Variants in SASH1 observed in about 807,000 individuals in gnomAD.
SASH1 encodes SAM and SH3 domain containing 1.
In SASH1, 44 loss-of-function variants were observed where a neutral mutation model predicts 125.2. The observed-to-expected ratio is 0.35, with a 90% CI of 0.28 to 0.45. SASH1 has a LOEUF of 0.45. Ranked by LOEUF, SASH1 falls within the 20% of genes least tolerant of loss-of-function variation. SASH1 has a pLI of 1.00. For synonymous variants in SASH1, 639 were observed against 649.1 expected, an observed-to-expected ratio of 0.98 and a Z score of 0.24; for missense variants, 1,426 against 1,614.5, an observed-to-expected ratio of 0.88 and a Z score of 2.00.
chr6:148,371,327 G>T (rs982217438), intron 1 of SASH1, among the ~76,000 whole-genome samples: 1 of 151,558 alleles, frequency 6.6e-6, no homozygotes, highest in African/African-American at 2.4e-5. Flanking sequence ...CGCAATCTCA[G>T]CTCACTGCAA....
intron 1 of SASH1, among the ~76,000 whole-genome samples, chr6:148,287,375 C>T (rs1779507379): frequency 6.6e-6 from 1 of 152,110 alleles, no homozygotes; most frequent in South Asian, 2.1e-4. Context: ...TGTCTTCAGT[C>T]TTGGTGTCCA....
chr6:148,237,183 A>ATTT, the SASH1 span, among the ~76,000 whole-genome samples: 10 of 147,306 alleles, frequency 6.8e-5, no homozygotes, highest in Admixed American at 3.4e-4. Context: ...TTTTATCTGC[A>ATTT]TTTTTTTTTT....
chr6:148,255,247 A>T, the SASH1 span, among the ~76,000 whole-genome samples: 1 of 152,164 alleles, frequency 6.6e-6, no homozygotes, highest in African/African-American at 2.4e-5. Flanking sequence ...AGGTGTTGGT[A>T]GCCTTGGTTT....
the SASH1 span, among the ~76,000 whole-genome samples, chr6:148,254,206 T>A: frequency 1.3e-5 from 2 of 149,050 alleles, no homozygotes; most frequent in African/African-American, 2.5e-5. Context: ...AAACTCTGTC[T>A]CAAAAAAAAA....
intron 4 of SASH1, among the ~76,000 whole-genome samples, chr6:148,441,038 T>G (rs368451414): frequency 6.6e-6 from 1 of 152,366 alleles, no homozygotes; most frequent in South Asian, 2.1e-4. Context: ...CAAGAGAATC[T>G]TTTTTCTAAA....
rs758313300 is a variant in SASH1, at chr6:148,544,524, C to T, written c.3054C>T (p.Cys1018=). Residue 1018 remains cysteine, a synonymous_variant, in exon 18 of 20, where the codon TGC becomes TGT. Coordinates refer to ENST00000367467, the MANE Select transcript of SASH1 (RefSeq NM_015278.5). The surrounding 1 kb of genome is among the most constrained non-coding windows in gnomAD (Gnocchi z 6.4). The part of the protein sequence containing the change: ...SGALPSPDAP[C]LPVKRGSPAS... Reference sequence around the variant, plus strand: ...CCCTCCCCAGTCCCGATGCGCCATGCCTGCCAGTGAAAAGGGGCAGCCCCG... The same window carrying T: ...CCCTCCCCAGTCCCGATGCGCCATGTCTGCCAGTGAAAAGGGGCAGCCCCG... 2 of 1,613,190 alleles carry T rather than the reference C, an allele frequency of 1.2e-6. No homozygotes were observed. Among genetic ancestry groups the T allele is most frequent in the African/African-American group, 2.7e-5 (2 of 74,948 alleles).
intron 4 of SASH1, among the ~76,000 whole-genome samples, chr6:148,460,606 A>G (rs1409170744): frequency 2.6e-5 from 4 of 152,216 alleles, no homozygotes; most frequent in African/African-American, 9.7e-5. Context: ...GCCTATATTG[A>G]AAAGCTATGC....
At chr6:148,350,137 G>T (rs367761016) in intron 1 of SASH1, among the ~76,000 whole-genome samples, 3 of 152,018 alleles carry the variant, frequency 2.0e-5, no homozygotes, top group East Asian at 3.9e-4. Context: ...GAGCCACCGC[G>T]CCCGGCAGAT....
intron 1 of SASH1, among the ~76,000 whole-genome samples, chr6:148,301,326 CAAA>C (rs746767710): frequency 1.6e-3 from 163 of 99,758 alleles, no homozygotes; most frequent in African/African-American, 3.5e-3. Flanking sequence ...AACTCCATCT[CAAA>C]AAAAAAAAAA....
At chr6:148,379,495 T>C (rs1783047498) in intron 1 of SASH1, among the ~76,000 whole-genome samples, 1 of 152,160 alleles carries the variant, frequency 6.6e-6, no homozygotes, top group South Asian at 2.1e-4. Flanking sequence ...CTCACCATTA[T>C]ATATAAAAAT....
chr6:148,319,056 G>A (rs1190577430), intron 1 of SASH1, among the ~76,000 whole-genome samples: 12 of 86,344 alleles, frequency 1.4e-4, no homozygotes, highest in African/African-American at 5.4e-4. Flanking sequence ...TTTTTGAGAC[G>A]GAGTCTGGCT....
intron 2 of SASH1, among the ~76,000 whole-genome samples, chr6:148,419,453 T>A (rs1784954938): frequency 6.6e-6 from 1 of 152,146 alleles, no homozygotes; most frequent in South Asian, 2.1e-4. Context: ...TATGGCTCTT[T>A]AAAAAACAGA....
In SASH1 at chr6:148,533,950, G is replaced by A; in HGVS notation, c.1914G>A (p.Val638=). The change falls in exon 15 of 20, where the codon GTG becomes GTA. Residue 638 remains valine, a synonymous_variant. Transcript: ENST00000367467. This position sits in a 1 kb window ranked among gnomAD's most constrained non-coding sequence, Gnocchi z 6.2. The stretch of plus-strand genomic sequence containing the variant: ...GACGACCACCCCAGCCCAAGTCTGT[G>A]GAGGATCTCCTGGATCGGATTAACC... ...RKGRPPQPKS[V]EDLLDRINLK... The A allele has an allele frequency of 1.2e-6, 2 of 1,613,960 alleles. No homozygotes were observed. The highest frequency in any genetic ancestry group is 1.7e-6 in the Non-Finnish European group (2 of 1,179,894).
chr6:148,375,551 G>A (rs969100593), intron 1 of SASH1, among the ~76,000 whole-genome samples: 1 of 152,052 alleles, frequency 6.6e-6, no homozygotes, highest in African/African-American at 2.4e-5. Flanking sequence ...TATTTTCTTG[G>A]CAAAAGTAAA....
chr6:148,445,363 A>G (rs1404864905), intron 4 of SASH1, among the ~76,000 whole-genome samples: 1 of 152,162 alleles, frequency 6.6e-6, no homozygotes, highest in Non-Finnish European at 1.5e-5. Context: ...TTATTGCTCA[A>G]TCTCGGATTT....
At chr6:148,414,680 T>C (rs1406708980) in intron 2 of SASH1, among the ~76,000 whole-genome samples, 2 of 152,110 alleles carry the variant, frequency 1.3e-5, no homozygotes, top group Non-Finnish European at 2.9e-5. Flanking sequence ...TTTTTTATTT[T>C]TTTGAGACAG....
At chr6:148,355,248 A>G (rs1781885306) in intron 1 of SASH1, among the ~76,000 whole-genome samples, 1 of 152,232 alleles carries the variant, frequency 6.6e-6, no homozygotes, top group African/African-American at 2.4e-5. Flanking sequence ...ACCTTCTCAG[A>G]ATGTATGGCA....
chr6:148,449,078 C>CTTTTTTTTTTTCTTTTTTTT (rs1776958235), intron 4 of SASH1, among the ~76,000 whole-genome samples: 1 of 88,736 alleles, frequency 1.1e-5, no homozygotes, highest in Non-Finnish European at 2.3e-5. Flanking sequence ...CATTTCATTT[C>CTTTTTTTTTTTCTTTTTTTT]TTTTTTTTTT....
At chr6:148,289,268 C>T (rs1301661489) in intron 1 of SASH1, among the ~76,000 whole-genome samples, 2 of 150,558 alleles carry the variant, frequency 1.3e-5, no homozygotes, top group Non-Finnish European at 2.9e-5. Context: ...TGATGGAAGG[C>T]AAGAAAAGAG....
Sources: allele counts gnomAD v4.1 joint callset (sites outside exome capture counted in the v4.1 genomes callset), GRCh38; gene constraint gnomAD v4.1.1; non-coding constraint Gnocchi (gnomAD v3.1); transcripts MANE v1.5; gene names NCBI Gene and HGNC (gene_info 2026-07-23, HGNC 2026-07-21).